The following GIPC1 variants were observed in gnomAD, a reference collection of about 807,000 sequenced individuals.
GIPC1 encodes the protein GIPC PDZ domain containing family member 1, also known as PDZ domain-containing protein GIPC1.
Under a neutral mutation model 28.5 loss-of-function variants are expected in GIPC1, and 15 were observed. The observed-to-expected ratio is 0.53, with a 90% confidence interval of 0.35 to 0.81. The LOEUF (loss-of-function observed/expected upper bound fraction) is 0.81, where lower values mean the gene tolerates loss of function less well. GIPC1 is among the 30% of genes least tolerant of loss of function. The probability of loss-of-function intolerance (pLI) is 0.01; values close to 1 mark genes in which losing one functional copy is unlikely to be tolerated. For synonymous variants in GIPC1, 224 were observed against 206.1 expected, an observed-to-expected ratio of 1.09 and a Z score of -0.74; for missense variants, 439 against 481.9, an observed-to-expected ratio of 0.91 and a Z score of 0.83.
intron 1 of GIPC1, 121 bp downstream of exon 1, chr19:14,495,916 C>A (rs577661811): frequency 6.3e-6 from 1 of 158,312 alleles, no homozygotes; most frequent in Admixed American, 6.5e-5. Context: ...CCGCGCGCAG[C>A]CTAGACCTCC....
Position 14,478,358 on chromosome 19 carries a change from T to G in GIPC1, c.*58A>C. The G allele has an allele frequency of 6.6e-7, 1 of 1,519,382 alleles. No individual in the cohort carries two copies. Among genetic ancestry groups the G allele is most frequent in the Non-Finnish European group, 8.9e-7 (1 of 1,125,448 alleles). 94.1% of individuals were successfully genotyped at this position (1,519,382 alleles called of 1,614,324 possible). ...GCTCGGGTCCTGACGTCAGTGTCCC[T>G]GCTGGGGGCCCCCACCAGGTTGCGC... is the stretch of plus-strand genomic sequence containing the variant. On this transcript the variant is annotated 3_prime_UTR_variant, in exon 9 of 9. Transcript: ENST00000393033. This position sits in a 1 kb window ranked among gnomAD's most constrained non-coding sequence, Gnocchi z 5.2.
chr19:14,478,311 CT>C lies in GIPC1; in HGVS notation c.*104del. On this transcript the variant is annotated 3_prime_UTR_variant, in exon 9 of 9. Coordinates refer to ENST00000393033, the MANE Select transcript of GIPC1 (RefSeq NM_005716.4). The surrounding 1 kb of genome is among the most constrained non-coding windows in gnomAD (Gnocchi z 5.2). ...TCCCCTCACCATCGTCCTTGGGCTG[CT>C]GAGCTAGGCTCAGGCTGGAGGCTCG... 1 of 1,217,742 alleles carries C rather than the reference CT, an allele frequency of 8.2e-7. No individual in the cohort carries two copies. The highest frequency in any genetic ancestry group is 1.5e-5 in the African/African-American group (1 of 66,128). The allele number at this position is 1,217,742 out of a possible 1,614,324, so 75.4% of individuals were successfully genotyped here.
chr19:14,495,314 G>A (rs559747838), intron 1 of GIPC1, among the ~76,000 whole-genome samples: 2 of 151,092 alleles, frequency 1.3e-5, no homozygotes, highest in East Asian at 3.9e-4. Context: ...ATGAGTACGG[G>A]GTAGGGGGTG....
At position 14,496,040 on chromosome 19, in the gene GIPC1, CT is replaced by C; in HGVS notation, c.-179del. 1 of 218,704 alleles carries C rather than the reference CT, an allele frequency of 4.6e-6. No homozygotes were observed. The highest frequency in any genetic ancestry group is 8.4e-6 in the Non-Finnish European group (1 of 119,276). The allele number at this position is 218,704 out of a possible 1,614,324, so 13.5% of individuals were successfully genotyped here. On this transcript the variant is annotated 5_prime_UTR_variant, in exon 1 of 9. Transcript: ENST00000393033. ...CCTTCTCGCAGAGGCCACTCACCTG[CT>C]CCGCCGCCGCCGCCGCCGCCGCCGC...
At position 14,481,325 on chromosome 19, in the gene GIPC1, C is replaced by T. The variant is rs1010606483; in HGVS notation, c.289-547G>A. Among the ~76,000 whole-genome samples, 5 of 152,144 alleles carry T rather than the reference C, an allele frequency of 3.3e-5. No homozygotes were observed. The East Asian group carries it at 5.8e-4, about 18-fold the overall frequency. Reference sequence around the variant, plus strand: ...AGCCTCATTATGTTGCCCAGGCTGGCCTGGAACTCCTGAGCTCCAGTGATC... The same window carrying T: ...AGCCTCATTATGTTGCCCAGGCTGGTCTGGAACTCCTGAGCTCCAGTGATC... On this transcript the variant is annotated intron_variant, in intron 4 of 8. Transcript: ENST00000393033.
intron 3 of GIPC1, chr19:14,489,365 T>C (rs774508300): frequency 5.1e-6 from 4 of 783,052 alleles, no homozygotes; most frequent in Non-Finnish European, 7.1e-6. Flanking sequence ...CCAAGGCATC[T>C]GTGAGCCCAT....
chr19:14,485,894 C>T (rs910124380), intron 3 of GIPC1, among the ~76,000 whole-genome samples: 5 of 151,672 alleles, frequency 3.3e-5, no homozygotes, highest in Admixed American at 6.6e-5. Flanking sequence ...TCTCAGGCTC[C>T]GGAGTAGCTG....
In GIPC1 at chr19:14,496,059, GCCGCCGCCGCCGCCGCTGCCT is replaced by G; in HGVS notation, c.-218_-198del. The G allele has an allele frequency of 4.0e-6, 1 of 248,100 alleles. No individual in the cohort carries two copies. The highest frequency in any genetic ancestry group is 7.6e-6 in the Non-Finnish European group (1 of 131,526). 15.4% of individuals were successfully genotyped at this position (248,100 alleles called of 1,614,324 possible). ...CACCTGCTCCGCCGCCGCCGCCGCCGCCGCCGCCGCCGCCGCTGCCTCCGCCTCCCCGTGCGCACCCGGCTC... is the reference window on the plus strand; with the variant it reads ...CACCTGCTCCGCCGCCGCCGCCGCCGCCGCCTCCCCGTGCGCACCCGGCTC... On this transcript the variant is annotated 5_prime_UTR_variant, in exon 1 of 9. Transcript: ENST00000393033.
chr19:14,486,712 C>CTTT (rs35491814), intron 3 of GIPC1, among the ~76,000 whole-genome samples: 47 of 124,738 alleles, frequency 3.8e-4, no homozygotes, highest in South Asian at 2.0e-3. Flanking sequence ...TTCTTTCTTT[C>CTTT]TTTTTTTTTT....
At chr19:14,483,055 C>G in intron 3 of GIPC1, 49 bp from the exon 4 acceptor site, 1 of 1,344,428 alleles carries the variant, frequency 7.4e-7, no homozygotes. Flanking sequence ...GCCTTGGGTG[C>G]CCCTCCCACA....
In GIPC1 at chr19:14,480,317, G is replaced by T. The variant is rs113312686; in HGVS notation, c.643C>A (p.Arg215Ser). 2 of 1,610,984 alleles carry T rather than the reference G, an allele frequency of 1.2e-6. No individual in the cohort carries two copies. The highest frequency in any genetic ancestry group is 1.7e-5 in the Admixed American group (1 of 60,026). Residue 215 changes from arginine to serine, a missense_variant, in exon 6 of 9, where the codon CGC becomes AGC. Coordinates refer to ENST00000393033, the MANE Select transcript of GIPC1 (RefSeq NM_005716.4). Reference sequence around the variant, plus strand: ...GGCGGCTCCTCACCGAAGGCCTTGCGAGGCTCCGTGAGCTTCAGCGTGAAG... The same window carrying T: ...GGCGGCTCCTCACCGAAGGCCTTGCTAGGCTCCGTGAGCTTCAGCGTGAAG... ...RTFTLKLTEP[R>S]KAFDMISQRS...
intron 3 of GIPC1, among the ~76,000 whole-genome samples, chr19:14,485,730 G>GAGAC (rs2071827852): frequency 6.9e-6 from 1 of 144,360 alleles, no homozygotes; most frequent in African/African-American, 2.6e-5. Context: ...GAGAGAGAGA[G>GAGAC]AGAGAGAGAG....
chr19:14,489,552 A>G (rs1294318506), intron 3 of GIPC1: 1 of 970,212 alleles, frequency 1.0e-6, no homozygotes. Context: ...GACAACAGAA[A>G]AATATTGGAA....
intron 6 of GIPC1, 21 bp downstream of exon 6, chr19:14,480,284 G>T (rs1178805535): frequency 6.2e-7 from 1 of 1,601,158 alleles, no homozygotes; most frequent in Admixed American, 1.7e-5. Context: ...CACTGGGGAG[G>T]TCCAGGGGGC....
intron 3 of GIPC1, among the ~76,000 whole-genome samples, chr19:14,491,236 T>C (rs2071966882): frequency 6.6e-6 from 1 of 151,474 alleles, no homozygotes; most frequent in Admixed American, 6.6e-5. Context: ...CAGGGGGCCA[T>C]GCTGGATTCA....
chr19:14,480,202 T>C (rs2071694125), intron 6 of GIPC1, 103 bp downstream of exon 6: 3 of 989,812 alleles, frequency 3.0e-6, no homozygotes, highest in Non-Finnish European at 4.6e-6. Context: ...CCCTTCCCTT[T>C]CGGCAGGCCA....
At chr19:14,486,179 T>C (rs1169976067) in intron 3 of GIPC1, among the ~76,000 whole-genome samples, 2 of 152,038 alleles carry the variant, frequency 1.3e-5, no homozygotes, top group African/African-American at 4.8e-5. Context: ...GTGCCCGGCC[T>C]GTGACCTTCC....
intron 3 of GIPC1, chr19:14,489,533 C>T (rs770409986): frequency 1.6e-5 from 14 of 896,010 alleles, no homozygotes; most frequent in South Asian, 1.3e-4. Flanking sequence ...GTGGAGATGG[C>T]GACTAGTGGA....
At chr19:14,486,345 C>G (rs71334705) in intron 3 of GIPC1, among the ~76,000 whole-genome samples, 23 of 152,104 alleles carry the variant, frequency 1.5e-4, no homozygotes, top group Non-Finnish European at 2.1e-4. Flanking sequence ...TGACTCTCCC[C>G]CTTTGGACCA....
Sources: allele counts gnomAD v4.1 joint callset (sites outside exome capture counted in the v4.1 genomes callset), GRCh38; gene constraint gnomAD v4.1.1; non-coding constraint Gnocchi (gnomAD v3.1); transcripts MANE v1.5; gene names NCBI Gene and HGNC (gene_info 2026-07-23, HGNC 2026-07-21).